The following CWF19L2 variants were observed in gnomAD, a reference collection of about 807,000 sequenced individuals.
CWF19L2 encodes the protein CWF19-like protein 2.
A neutral mutation model predicts 111.7 loss-of-function variants in CWF19L2; 98 were observed. The ratio of observed to expected loss-of-function variants is 0.88; its 90% CI spans 0.75 to 1.04. The LOEUF is 1.04. CWF19L2 is among the 50% of genes least tolerant of loss of function. The pLI, the probability that CWF19L2 is intolerant of heterozygous loss-of-function variation, is 0.00. For synonymous variants in CWF19L2, 351 were observed against 342.9 expected (o/e 1.02, Z -0.26); for missense variants, 1,101 against 1,051.4 (o/e 1.05, Z -0.65).
chr11:107,343,133 G>C (rs76213656), intron 14 of CWF19L2, among the ~76,000 whole-genome samples: 2,021 of 152,292 alleles, frequency 0.013, 37 homozygotes, highest in African/African-American at 0.045. Flanking sequence ...TAGGAAACTA[G>C]TGCAATGGTG....
In CWF19L2 at chr11:107,455,681, A is replaced by G. The variant is rs1861843388; in HGVS notation, c.201T>C (p.Ile67=). ...TWMLPDVNER[I]EQFSQEHSVK... The stretch of plus-strand genomic sequence containing the variant: ...TAGTATTCACCTGTGAGAACTGTTC[A>G]ATTCTCTCATTCACATCAGGTAGCA... Residue 67 remains isoleucine, a synonymous_variant, in exon 2 of 18, where the codon ATT becomes ATC. Transcript: ENST00000282251. 6.5e-7 allele frequency: 1 copy of G among 1,547,570 alleles called. No individual in the cohort carries two copies. The highest frequency in any genetic ancestry group is 1.2e-5 in the South Asian group (1 of 83,752).
At chr11:107,425,213 CACAA>C (rs1413108263) in intron 8 of CWF19L2, among the ~76,000 whole-genome samples, 1 of 150,436 alleles carries the variant, frequency 6.6e-6, no homozygotes, top group Non-Finnish European at 1.5e-5. Flanking sequence ...CACACACACA[CACAA>C]AGAGGTTGAA....
Position 107,429,163 on chromosome 11 carries a change from G to T in CWF19L2, c.1069C>A (p.Gln357Lys), listed in dbSNP as rs770426867. The T allele has an allele frequency of 5.0e-6, 8 of 1,613,718 alleles. No homozygotes were observed. The highest frequency in any genetic ancestry group is 6.8e-6 in the Non-Finnish European group (8 of 1,179,764). The part of the protein sequence containing the change: ...CRRESNPRQN[Q>K]EFSFGNLRAK... ...CTCAAATTGCCAAAAGAAAACTCTT[G>T]ATTTTGCCTTGGGTTAGATTCTCTT... The change falls in exon 8 of 18, where the codon CAA (glutamine) becomes AAA (lysine). Residue 357 changes from glutamine to lysine, a missense_variant. Transcript: ENST00000282251.
chr11:107,404,207 T>C, intron 10 of CWF19L2: 1 of 777,212 alleles, frequency 1.3e-6, no homozygotes, highest in Non-Finnish European at 2.4e-6. Flanking sequence ...TAGACCTTCA[T>C]AAATTCATTG....
intron 12 of CWF19L2, among the ~76,000 whole-genome samples, chr11:107,382,096 T>C (rs1041026884): frequency 6.6e-6 from 1 of 152,184 alleles, no homozygotes; most frequent in Non-Finnish European, 1.5e-5. Context: ...AAGATGTGCC[T>C]GAGTTTACGT....
chr11:107,341,978 G>T (rs1860011488), intron 14 of CWF19L2, among the ~76,000 whole-genome samples: 1 of 151,836 alleles, frequency 6.6e-6, no homozygotes, highest in African/African-American at 2.4e-5. Context: ...CTTGCTGGAA[G>T]TTTATTAATT....
intron 13 of CWF19L2, among the ~76,000 whole-genome samples, chr11:107,350,812 C>G (rs1224369979): frequency 1.3e-5 from 2 of 151,962 alleles, no homozygotes; most frequent in Non-Finnish European, 2.9e-5. Flanking sequence ...AAGTTACCTT[C>G]TAGGGTAACA....
At position 107,334,870 on chromosome 11, in the gene CWF19L2, A is replaced by G. The variant is rs369243478; in HGVS notation, c.2439+11T>C. On this transcript the variant is annotated intron_variant, in intron 16 of 17. Transcript: ENST00000282251. ...AGGGTAATTTCTTTTACCAGGAAAA[A>G]ACATACTTACAGACTTTCTGATATC... 3 of 1,532,060 alleles carry G rather than the reference A, an allele frequency of 2.0e-6. No individual in the cohort carries two copies. The African/African-American group carries it at 4.1e-5, about 21-fold the overall frequency. 94.9% of individuals were successfully genotyped at this position (1,532,060 alleles called of 1,614,324 possible).
chr11:107,436,302 C>T (rs2135416317), intron 6 of CWF19L2, among the ~76,000 whole-genome samples: 1 of 152,126 alleles, frequency 6.6e-6, no homozygotes, highest in Non-Finnish European at 1.5e-5. Context: ...TTAACATACA[C>T]CTAGATTTCA....
At chr11:107,448,424 T>C (rs114039141) in intron 3 of CWF19L2, among the ~76,000 whole-genome samples, 1,463 of 122,166 alleles carry the variant, frequency 0.012, 23 homozygotes, top group African/African-American at 0.043. Context: ...ACCCAAGGCA[T>C]AGAAAGGAAA....
At chr11:107,455,429 A>T (rs1861840145) in intron 2 of CWF19L2, among the ~76,000 whole-genome samples, 1 of 152,228 alleles carries the variant, frequency 6.6e-6, no homozygotes, top group Non-Finnish European at 1.5e-5. Context: ...GTGGGCCAGA[A>T]ATTTGAAGCT....
At chr11:107,350,376 T>C (rs1180084778) in intron 13 of CWF19L2, among the ~76,000 whole-genome samples, 5 of 152,086 alleles carry the variant, frequency 3.3e-5, no homozygotes, top group South Asian at 2.1e-4. Context: ...GGTGATAATA[T>C]TTGGAGGTAG....
chr11:107,381,047 G>A (rs553002791), intron 12 of CWF19L2, among the ~76,000 whole-genome samples: 1 of 152,218 alleles, frequency 6.6e-6, no homozygotes, highest in African/African-American at 2.4e-5. Flanking sequence ...GGTGACCAGG[G>A]GGCTGGGGTA....
intron 5 of CWF19L2, 139 bp from the exon 6 acceptor site, chr11:107,439,322 T>C: frequency 3.3e-6 from 2 of 603,662 alleles, no homozygotes; most frequent in Non-Finnish European, 5.7e-6. Flanking sequence ...TATGCTGTTC[T>C]GTAACTTACA....
rs1344214204 is a variant in CWF19L2 at position 107,429,352 on chromosome 11, C to G, written c.880G>C (p.Asp294His). The G allele has an allele frequency of 6.2e-7, 1 of 1,602,936 alleles. No homozygotes were observed. The highest frequency in any genetic ancestry group is 1.3e-5 in the African/African-American group (1 of 74,846). Reference sequence around the variant, plus strand: ...CTTTCTTGACAATTTTGTGCTTTATCTGAATATGTGGGTTTCCTCCACCGT... The same window carrying G: ...CTTTCTTGACAATTTTGTGCTTTATGTGAATATGTGGGTTTCCTCCACCGT... Reference protein sequence around the residue: ...RERWRKPTYSDKAQNCQESRE... With the variant: ...RERWRKPTYSHKAQNCQESRE... Residue 294 changes from aspartate to histidine, a missense_variant, in exon 8 of 18, where the codon GAT (aspartate) becomes CAT (histidine). By Grantham distance (81) the Asp-to-His change is moderately conservative. Transcript: ENST00000282251.
In CWF19L2 at chr11:107,455,769, G is replaced by C. The variant is rs775848799; in HGVS notation, c.113C>G (p.Ala38Gly). The C allele has an allele frequency of 6.5e-7, 1 of 1,547,564 alleles. No homozygotes were observed. The highest frequency in any genetic ancestry group is 8.7e-7 in the Non-Finnish European group (1 of 1,144,762). Reference protein sequence around the residue: ...ARAEVLRQAKANFEKEERRKE... With the variant: ...ARAEVLRQAKGNFEKEERRKE... ...ACGCCTTTCTTCTTTTTCAAAATTG[G>C]CTTTAGCCTACAACCAAAGAAAAAA... The change falls in exon 2 of 18, where the codon GCC becomes GGC. Residue 38 changes from alanine (A) to glycine (G), a missense_variant. By Grantham distance (60) the Ala-to-Gly change is moderately conservative. Transcript: ENST00000282251.
intron 13 of CWF19L2, among the ~76,000 whole-genome samples, chr11:107,351,246 A>G (rs1425236686): frequency 6.6e-6 from 1 of 152,232 alleles, no homozygotes; most frequent in Non-Finnish European, 1.5e-5. Flanking sequence ...TATATTCTGA[A>G]ATATAGCCAA....
Position 107,385,501 on chromosome 11 carries a change from A to T in CWF19L2, c.1872+4573T>A, listed in dbSNP as rs781666903. Among the ~76,000 whole-genome samples, 165 of 152,042 alleles carry T rather than the reference A, an allele frequency of 1.1e-3. 1 individual carries two copies. The highest frequency in any genetic ancestry group is 1.9e-3 in the Non-Finnish European group (127 of 68,012). ...ACGTCAATTTATCTAAACGTCAATT[A>T]AAAAAATCAAAGATGTAAAATGTTT... is the stretch of plus-strand genomic sequence containing the variant. On this transcript the variant is annotated intron_variant, in intron 12 of 17. Transcript: ENST00000282251.
intron 8 of CWF19L2, among the ~76,000 whole-genome samples, chr11:107,419,828 G>A (rs367670712): frequency 1.8e-4 from 27 of 152,046 alleles, no homozygotes; most frequent in East Asian, 1.5e-3. Flanking sequence ...TACATGTAAC[G>A]GAAGATAACT....
Sources: gnomAD v4.1 joint callset for allele counts (sites outside exome capture counted in the v4.1 genomes callset) on GRCh38, gnomAD v4.1.1 for gene constraint, MANE v1.5 for transcripts, NCBI Gene and HGNC (gene_info 2026-07-23, HGNC 2026-07-21) for gene names.